Variants in CEACAM18 observed in about 807,000 individuals in gnomAD.
The protein encoded by CEACAM18 is CEA cell adhesion molecule 18.
CEACAM18 carries 33 observed loss-of-function variants against 34.3 expected under a neutral mutation model. The ratio of observed to expected loss-of-function variants is 0.96; its 90% CI spans 0.73 to 1.29. The LOEUF (loss-of-function observed/expected upper bound fraction) is 1.29. CEACAM18 is among the 50% of genes most tolerant of loss of function. The pLI is 0.00. For missense variants in CEACAM18, 474 were observed against 485.0 expected (o/e 0.98, Z 0.21); for synonymous variants, 169 against 180.9 (o/e 0.93, Z 0.53).
chr19:51,485,879 C>A (rs1280363085), intron 5 of CEACAM18, among the ~76,000 whole-genome samples: 1 of 152,198 alleles, frequency 6.6e-6, no homozygotes, highest in Non-Finnish European at 1.5e-5. Flanking sequence ...ACCACCACCA[C>A]CCCAGTTCAG....
intron 1 of CEACAM18, among the ~76,000 whole-genome samples, chr19:51,479,940 G>A (rs1000484790): frequency 6.6e-6 from 1 of 152,246 alleles, no homozygotes; most frequent in African/African-American, 2.4e-5. Flanking sequence ...ACAAACACCA[G>A]CTCTGGCTGA....
chr19:51,487,385 G>A (rs62115079), intron 5 of CEACAM18, among the ~76,000 whole-genome samples: 11,479 of 152,124 alleles, frequency 0.075, 511 homozygotes, highest in African/African-American at 0.12. Flanking sequence ...TGAGGTGGGA[G>A]GATCTCTTGA....
At chr19:51,483,162 C>G in exon 4 of CEACAM18, 1 of 1,614,028 alleles carries the variant, frequency 6.2e-7, no homozygotes, top group Non-Finnish European at 8.5e-7. Context: ...ATGGCTCCCT[C>G]CTGAACTTCT....
In CEACAM18 at chr19:51,488,617, C is replaced by T. The variant is rs61192276; in HGVS notation, c.1090-1970C>T. On this transcript the variant is annotated intron_variant, in intron 5 of 5. Coordinates refer to ENST00000396477, the Ensembl canonical transcript of CEACAM18. ...CAAGAGAGGTCTCAAGACAAAAGGT[C>T]TCAGAGAATTCAGCTGAGAAGGGGT... Among the ~76,000 whole-genome samples the T allele has an allele frequency of 9.3e-3, 1,409 of 152,310 alleles. 22 individuals are homozygous for T. The highest frequency in any genetic ancestry group is 0.031 in the African/African-American group (1,279 of 41,574).
exon 6 of CEACAM18, chr19:51,490,688 A>G (rs966233237): frequency 1.5e-4 from 173 of 1,141,124 alleles, no homozygotes; most frequent in Middle Eastern, 3.2e-4. Context: ...GGGTCCCCAT[A>G]GGGCCAGCGA....
exon 3 of CEACAM18, chr19:51,481,531 G>A (rs373990495): frequency 1.6e-5 from 26 of 1,613,852 alleles, no homozygotes; most frequent in East Asian, 2.2e-5. Flanking sequence ...AGTAGTGACC[G>A]GATGACAATT....
At chr19:51,485,319 G>A (rs1455730928) in intron 5 of CEACAM18, among the ~76,000 whole-genome samples, 197 bp downstream of exon 5, 1 of 152,160 alleles carries the variant, frequency 6.6e-6, no homozygotes, top group East Asian at 1.9e-4. Context: ...TTTAGAGTCG[G>A]CCATGGTTCT....
chr19:51,485,628 G>A (rs1458468473), intron 5 of CEACAM18, among the ~76,000 whole-genome samples: 2 of 152,182 alleles, frequency 1.3e-5, no homozygotes, highest in Non-Finnish European at 2.9e-5. Context: ...CAGCCCAGCT[G>A]AAGAATGAAC....
Position 51,483,445 on chromosome 19 carries a change from G to A in CEACAM18, c.953+149G>A, listed in dbSNP as rs181548214. On this transcript the variant is annotated intron_variant, in intron 4 of 5. Coordinates refer to ENST00000396477, the Ensembl canonical transcript of CEACAM18. ...GAAATCTCCCAGTTCTCTGAGGTCTGGGTCCAAAGCTGCCTCCTCTGTGAA... is the reference window on the plus strand; with the variant it reads ...GAAATCTCCCAGTTCTCTGAGGTCTAGGTCCAAAGCTGCCTCCTCTGTGAA... The A allele has an allele frequency of 2.5e-4, 237 of 962,132 alleles. 1 individual carries two copies. The African/African-American group carries it at 3.4e-3, about 14-fold the overall frequency. 59.6% of individuals were successfully genotyped at this position (962,132 alleles called of 1,614,324 possible). A position where few individuals can be genotyped will look rare whatever the true frequency, so the allele number is the denominator to read the frequency against.
chr19:51,486,924 G>C (rs576143555), intron 5 of CEACAM18, among the ~76,000 whole-genome samples: 1 of 150,586 alleles, frequency 6.6e-6, no homozygotes, highest in African/African-American at 2.4e-5. Context: ...GGGTTTCACC[G>C]TGTTAGCCAG....
chr19:51,489,272 C>T (rs1990051050), intron 5 of CEACAM18, among the ~76,000 whole-genome samples: 1 of 151,274 alleles, frequency 6.6e-6, no homozygotes, highest in East Asian at 2.0e-4. Context: ...TCACCAAGCT[C>T]CTGGCTTTAT....
intron 5 of CEACAM18, 26 bp from the exon 6 acceptor site, chr19:51,490,561 G>A: frequency 1.6e-6 from 2 of 1,232,170 alleles, no homozygotes; most frequent in Non-Finnish European, 1.0e-6. Context: ...CTGAGATGTG[G>A]CTTCTTCCCT....
At chr19:51,478,604 C>T (rs192964426), upstream of CEACAM18, 57 of 1,565,908 alleles carry the variant, frequency 3.6e-5, no homozygotes, top group East Asian at 1.4e-3. Flanking sequence ...GGCTGTGTCT[C>T]TGGAGGGACC....
Position 51,479,238 on chromosome 19 carries a change from A to T in CEACAM18, c.52+544A>T, listed in dbSNP as rs772039541. On this transcript the variant is annotated intron_variant, in intron 1 of 5. Transcript: ENST00000396477. ...CAGTGTGTCCATACGTGAGGCCTAG[A>T]GCCGGGGTCTCAGGCATCTCTGCCT... 3.4e-4 allele frequency among the ~76,000 whole-genome samples: 52 copies of T among 152,182 alleles called. 1 individual carries two copies. The highest frequency in any genetic ancestry group is 6.6e-4 in the Non-Finnish European group (45 of 68,038).
At chr19:51,480,501 T>C (rs1290289968) in exon 2 of CEACAM18, 1 of 1,613,798 alleles carries the variant, frequency 6.2e-7, no homozygotes, top group African/African-American at 1.3e-5. Flanking sequence ...AACATGATTA[T>C]CAGCCACAAA....
At chr19:51,480,647 A>T in exon 2 of CEACAM18, 1 of 1,613,212 alleles carries the variant, frequency 6.2e-7, no homozygotes, top group Middle Eastern at 1.6e-4. Flanking sequence ...AGGCAATGAG[A>T]CCCAAAGAGC....
intron 3 of CEACAM18, among the ~76,000 whole-genome samples, chr19:51,482,078 C>A (rs1989926417): frequency 6.6e-6 from 1 of 151,982 alleles, no homozygotes; most frequent in South Asian, 2.1e-4. Flanking sequence ...TAGTATAGTC[C>A]CTGTCACTCT....
chr19:51,489,942 C>T (rs1390798785), intron 5 of CEACAM18, among the ~76,000 whole-genome samples: 2 of 152,180 alleles, frequency 1.3e-5, no homozygotes, highest in Non-Finnish European at 2.9e-5. Flanking sequence ...CTTCCACCAC[C>T]TGGAAGAACC....
chr19:51,479,271 A>G (rs1989866904), intron 1 of CEACAM18, among the ~76,000 whole-genome samples: 1 of 152,212 alleles, frequency 6.6e-6, no homozygotes, highest in Admixed American at 6.5e-5. Context: ...CCTCCTCCAC[A>G]TAGCCCAGGC....
Sources: allele counts gnomAD v4.1 joint callset (sites outside exome capture counted in the v4.1 genomes callset), GRCh38; gene constraint gnomAD v4.1.1; transcripts MANE v1.5; gene names NCBI Gene and HGNC (gene_info 2026-07-23, HGNC 2026-07-21).